The following DENND1C variants were observed in gnomAD, a reference collection of about 807,000 sequenced individuals.
DENND1C encodes DENN domain-containing protein 1C.
DENND1C carries 64 observed loss-of-function variants against 87.9 expected under a neutral mutation model. That is an observed-to-expected ratio of 0.73 (90% CI 0.60 to 0.90). The LOEUF is 0.90. Ranked by LOEUF, DENND1C falls within the 40% of genes least tolerant of loss-of-function variation. The pLI, the probability that DENND1C is intolerant of heterozygous loss-of-function variation, is 0.00. For missense variants in DENND1C, 980 were observed against 1,037.0 expected (o/e 0.95, Z 0.76); for synonymous variants, 384 against 424.4 (o/e 0.90, Z 1.17).
intron 1 of DENND1C, 74 bp from the exon 2 acceptor site, chr19:6,480,125 T>A: frequency 6.5e-7 from 1 of 1,545,884 alleles, no homozygotes; most frequent in Non-Finnish European, 8.7e-7. Flanking sequence ...TGCACACAAG[T>A]GTGGTTGTGT....
intron 13 of DENND1C, 42 bp from the exon 14 acceptor site, chr19:6,475,441 C>T: frequency 6.2e-7 from 1 of 1,613,322 alleles, no homozygotes; most frequent in East Asian, 2.2e-5. Flanking sequence ...AGGTGTGGGC[C>T]CCTCGCCTCC....
At chr19:6,481,463 TAGAGAGAG>T (rs4028204) in intron 1 of DENND1C, among the ~76,000 whole-genome samples, 3 of 147,892 alleles carry the variant, frequency 2.0e-5, no homozygotes, top group African/African-American at 5.0e-5. Context: ...AGGAGCTGGA[TAGAGAGAG>T]AGAGAGAGAG....
intron 4 of DENND1C, 94 bp downstream of exon 4, chr19:6,479,575 G>A: frequency 6.6e-7 from 1 of 1,518,310 alleles, no homozygotes; most frequent in African/African-American, 1.4e-5. Flanking sequence ...CGAGTGTATG[G>A]GTTTCCAGAT....
rs1161718327 is a variant in DENND1C at position 6,475,483 on chromosome 19, C to G, written c.927+1G>C. On this transcript the variant is annotated splice_donor_variant, in intron 13 of 22. Coordinates refer to ENST00000381480, the MANE Select transcript of DENND1C (RefSeq NM_024898.4). LOFTEE classifies it high-confidence loss of function. ...AGGAAGGTGGGAGGGGCGACACTGA[C>G]CACGTCTGGAGGCAGCGCCTGCACG... 2 of 1,613,776 alleles carry G rather than the reference C, an allele frequency of 1.2e-6. No individual in the cohort carries two copies. The highest frequency in any genetic ancestry group is 1.7e-6 in the Non-Finnish European group (2 of 1,179,870).
At chr19:6,480,595 TATC>T (rs1913507039) in intron 1 of DENND1C, 2 of 400,454 alleles carry the variant, frequency 5.0e-6, no homozygotes, top group Non-Finnish European at 6.6e-6. Context: ...TCTATCTATC[TATC>T]TATCTATCTA....
chr19:6,477,517 G>A (rs1294967135), intron 6 of DENND1C, 59 bp from the exon 7 acceptor site: 11 of 1,520,702 alleles, frequency 7.2e-6, no homozygotes, highest in Non-Finnish European at 9.0e-6. Flanking sequence ...TGGGGATTCC[G>A]AGGGCTATGA....
At chr19:6,474,772 A>C (rs56928757) in intron 14 of DENND1C, among the ~76,000 whole-genome samples, 3,023 of 152,222 alleles carry the variant, frequency 0.02, 206 homozygotes, top group Admixed American at 0.13. Context: ...AATTAAAAAA[A>C]TATATAGAGA....
Position 6,478,857 on chromosome 19 carries a change from G to C in DENND1C, c.297-5C>G. 6.2e-7 allele frequency: 1 copy of C among 1,613,826 alleles called. No homozygotes were observed. The highest frequency in any genetic ancestry group is 1.7e-4 in the Middle Eastern group (1 of 6,060). ...ACCTCGAACCAAGGCAGGTGGCTGT[G>C]GAGAGAGGAGACAGGTTCCACGAAG... On this transcript the variant is annotated splice_polypyrimidine_tract_variant and splice_region_variant and intron_variant, in intron 5 of 22. Coordinates refer to ENST00000381480, the MANE Select transcript of DENND1C (RefSeq NM_024898.4).
chr19:6,481,721 G>A lies in DENND1C; in HGVS notation c.-26C>T. 1 of 1,561,074 alleles carries A rather than the reference G, an allele frequency of 6.4e-7. No individual in the cohort carries two copies. Among genetic ancestry groups the A allele is most frequent in the East Asian group, 2.4e-5 (1 of 42,160 alleles). On this transcript the variant is annotated 5_prime_UTR_variant, in exon 1 of 23. Transcript: ENST00000381480. ...GGTCCCTGCAGGGCCAGCCCAGCGG[G>A]GCCCTCTCCCCAGGGGTCCTGGGGG...
chr19:6,473,066 T>A, intron 14 of DENND1C, 73 bp from the exon 15 acceptor site: 1 of 1,151,722 alleles, frequency 8.7e-7, no homozygotes, highest in Non-Finnish European at 1.2e-6. Flanking sequence ...TATATTTATG[T>A]AGCAAACATT....
At chr19:6,477,504 G>T in intron 6 of DENND1C, 46 bp from the exon 7 acceptor site, 1 of 1,575,618 alleles carries the variant, frequency 6.3e-7, no homozygotes, top group Non-Finnish European at 8.7e-7. Context: ...CAGATGTGGG[G>T]ATTGGGGATT....
At chr19:6,473,816 G>GGGGGGGGTGGGA (rs1231177042) in intron 14 of DENND1C, among the ~76,000 whole-genome samples, 1 of 131,588 alleles carries the variant, frequency 7.6e-6, no homozygotes, top group Admixed American at 8.0e-5. Flanking sequence ...GGGGGGTGGG[G>GGGGGGGGTGGGA]GGAGGGAAAT....
Position 6,467,636 on chromosome 19 carries a change from C to T in DENND1C, c.2274G>A (p.Glu758=). The T allele has an allele frequency of 6.5e-7, 1 of 1,550,178 alleles. No homozygotes were observed. The part of the protein sequence containing the change: ...RARPPKALLA[E]RAHLQPREEP... ...CCTCCCGTGGCTGGAGGTGAGCGCG[C>T]TCTGCCAGCAGGGCTTTGGGAGGCC... The change falls in exon 23 of 23, where the codon GAG becomes GAA. Residue 758 remains glutamate (E), a synonymous_variant. Coordinates refer to ENST00000381480, the MANE Select transcript of DENND1C (RefSeq NM_024898.4).
intron 10 of DENND1C, chr19:6,476,198 A>C: frequency 2.1e-6 from 1 of 478,320 alleles, no homozygotes; most frequent in Non-Finnish European, 3.7e-6. Flanking sequence ...AACACCCCTG[A>C]GTCTTCCCCA....
At chr19:6,480,482 ATCTGTCTG>A in intron 1 of DENND1C, 2 of 983,798 alleles carry the variant, frequency 2.0e-6, no homozygotes, top group African/African-American at 1.8e-5. Flanking sequence ...ATATCCATCT[ATCTGTCTG>A]TCTGTCTGTC....
intron 4 of DENND1C, among the ~76,000 whole-genome samples, chr19:6,479,379 C>CCGAA (rs2092884562): frequency 6.7e-6 from 1 of 148,956 alleles, no homozygotes; most frequent in African/African-American, 2.5e-5. Flanking sequence ...TCTCTGGGTT[C>CCGAA]CGAAGTCCCT....
intron 15 of DENND1C, 60 bp from the exon 16 acceptor site, chr19:6,471,556 G>A (rs8105247): frequency 0.44 from 632,074 of 1,438,238 alleles, 148,299 homozygotes; most frequent in Non-Finnish European, 0.49. Context: ...CCAGCACTTC[G>A]AAGCCTGCCT....
rs201318427 is a variant in DENND1C, at chr19:6,467,519, C to T, written c.2391G>A (p.Lys797=). The T allele has an allele frequency of 3.3e-5, 53 of 1,604,276 alleles. No individual in the cohort carries two copies. The African/African-American group carries it at 4.2e-4, about 13-fold the overall frequency. Residue 797 remains lysine (K), a synonymous_variant, in exon 23 of 23, where the codon AAG becomes AAA. Coordinates refer to ENST00000381480, the MANE Select transcript of DENND1C (RefSeq NM_024898.4). The part of the protein sequence containing the change: ...SSRPRVADLK[K]CFEG ...CCCCTGATTCTTAACCCTCAAAGCA[C>T]TTCTTAAGATCAGCGACTCTGGGCC...
chr19:6,469,472 C>T, intron 19 of DENND1C, 124 bp downstream of exon 19: 1 of 901,718 alleles, frequency 1.1e-6, no homozygotes, highest in Non-Finnish European at 1.7e-6. Context: ...TTTGTAGAGA[C>T]AAGGCCCCAC....
Sources: gnomAD v4.1 joint callset for allele counts (sites outside exome capture counted in the v4.1 genomes callset) on GRCh38, gnomAD v4.1.1 for gene constraint, MANE v1.5 for transcripts, NCBI Gene and HGNC (gene_info 2026-07-23, HGNC 2026-07-21) for gene names.